PUS7L: variants seen among roughly 807,000 people sequenced by gnomAD.
PUS7L encodes pseudouridine synthase 7 like, also known as pseudouridylate synthase PUS7L.
A neutral mutation model predicts 51.1 loss-of-function variants in PUS7L; 49 were observed. The observed-to-expected ratio is 0.96, with a 90% CI of 0.76 to 1.22. PUS7L has a LOEUF of 1.22. Ranked by LOEUF, PUS7L falls within the 50% of genes most tolerant of loss-of-function variation. The pLI, the probability that PUS7L is intolerant of heterozygous loss-of-function variation, is 0.00. For missense variants in PUS7L, 828 were observed against 820.6 expected, an observed-to-expected ratio of 1.01 and a Z score of -0.11; for synonymous variants, 277 against 276.2, an observed-to-expected ratio of 1.00 and a Z score of -0.03.
chr12:43,730,833 C>T (rs1944536488), intron 8 of PUS7L, 131 bp from the exon 9 acceptor site: 8 of 612,806 alleles, frequency 1.3e-5, no homozygotes, highest in Non-Finnish European at 1.7e-5. Context: ...CCACAATCAG[C>T]CTAAAACATG....
chr12:43,751,270 C>T (rs1229040373), intron 2 of PUS7L, among the ~76,000 whole-genome samples: 1 of 151,806 alleles, frequency 6.6e-6, no homozygotes, highest in Non-Finnish European at 1.5e-5. Context: ...CATATGTATA[C>T]ATGTGCCATG....
intron 4 of PUS7L, among the ~76,000 whole-genome samples, chr12:43,745,652 G>T (rs1023957517): frequency 2.6e-5 from 4 of 152,218 alleles, no homozygotes; most frequent in African/African-American, 7.2e-5. Flanking sequence ...AGCAGTGTGA[G>T]AATGGACTAA....
In PUS7L at chr12:43,728,487, T is replaced by C. The variant is rs1944485168; in HGVS notation, c.*1889A>G. ...CATTTATAGGATACGATTTATCATATAAAATAAAACATTTTTTCTAAATTT... is the reference window on the plus strand; with the variant it reads ...CATTTATAGGATACGATTTATCATACAAAATAAAACATTTTTTCTAAATTT... On this transcript the variant is annotated 3_prime_UTR_variant, in exon 9 of 9. Transcript: ENST00000344862. The C allele has an allele frequency of 6.6e-6, 1 of 152,120 alleles. No homozygotes were observed. The highest frequency in any genetic ancestry group is 2.1e-4 in the South Asian group (1 of 4,836). The allele number at this position is 152,120 out of a possible 1,614,324, so 9.4% of individuals were successfully genotyped here.
chr12:43,738,182 G>A, intron 6 of PUS7L, 128 bp downstream of exon 6: 2 of 647,738 alleles, frequency 3.1e-6, no homozygotes, highest in South Asian at 3.6e-5. Flanking sequence ...AAAGTGTTCA[G>A]TATGTAATAT....
In PUS7L at chr12:43,728,649, A is replaced by T. The variant is rs1478262245; in HGVS notation, c.*1727T>A. 1 of 152,116 alleles carries T rather than the reference A, an allele frequency of 6.6e-6. No individual in the cohort carries two copies. Among genetic ancestry groups the T allele is most frequent in the East Asian group, 1.9e-4 (1 of 5,202 alleles). 9.4% of individuals were successfully genotyped at this position (152,116 alleles called of 1,614,324 possible). ...TATTTATTGCCAAAACATATAACAAAAAAAACTTTTTAGTATTAAAAAAAA... is the reference window on the plus strand; with the variant it reads ...TATTTATTGCCAAAACATATAACAATAAAAACTTTTTAGTATTAAAAAAAA... On this transcript the variant is annotated 3_prime_UTR_variant, in exon 9 of 9. Coordinates refer to ENST00000344862, the MANE Select transcript of PUS7L (RefSeq NM_031292.5).
chr12:43,757,125 T>C (rs73280436), intron 1 of PUS7L, among the ~76,000 whole-genome samples: 2,329 of 152,322 alleles, frequency 0.015, 70 homozygotes, highest in African/African-American at 0.052. Context: ...AGGATTCATT[T>C]CCTCAGAGAA....
Position 43,727,040 on chromosome 12 carries a change from C to A in PUS7L, c.*3336G>T, listed in dbSNP as rs1464776081. 2 of 152,084 alleles carry A rather than the reference C, an allele frequency of 1.3e-5. No individual in the cohort carries two copies. Among genetic ancestry groups the A allele is most frequent in the African/African-American group, 4.8e-5 (2 of 41,384 alleles). The allele number at this position is 152,084 out of a possible 1,614,324, so 9.4% of individuals were successfully genotyped here. A position where few individuals can be genotyped will look rare whatever the true frequency, so the allele number is the denominator to read the frequency against. ...AAACGGAAGAAAGGACATGAACAGA[C>A]ACTTCTCAAAAGAAGACATCCATGG... On this transcript the variant is annotated 3_prime_UTR_variant, in exon 9 of 9. Transcript: ENST00000344862.
rs1938604671 is a variant in PUS7L, at chr12:43,754,597, C to G, written c.649G>C (p.Asp217His). The change falls in exon 2 of 9, where the codon GAC becomes CAC. Residue 217 changes from aspartate to histidine, a missense_variant. By Grantham distance (81) the Asp-to-His change is moderately conservative. Coordinates refer to ENST00000344862, the MANE Select transcript of PUS7L (RefSeq NM_031292.5). ...TTTGCATCCAAATATTTAAAAAAGT[C>G]AAATGCTTCCTCTTCAGATACCAAA... Reference protein sequence around the residue: ...CHLVSEEEAFDFFKYLDAKKE... With the variant: ...CHLVSEEEAFHFFKYLDAKKE... 1 of 1,610,946 alleles carries G rather than the reference C, an allele frequency of 6.2e-7. No homozygotes were observed. Among genetic ancestry groups the G allele is most frequent in the South Asian group, 1.1e-5 (1 of 90,480 alleles).
chr12:43,755,937 A>G (rs565666976), intron 1 of PUS7L, among the ~76,000 whole-genome samples: 53 of 152,318 alleles, frequency 3.5e-4, no homozygotes, highest in Non-Finnish European at 4.4e-4. Flanking sequence ...TGGAAACACT[A>G]TGCAAGAGAA....
chr12:43,751,531 C>A (rs1938443659), intron 2 of PUS7L, among the ~76,000 whole-genome samples: 1 of 152,158 alleles, frequency 6.6e-6, no homozygotes, highest in African/African-American at 2.4e-5. Context: ...ATGAACTCAT[C>A]ATTTTTTATG....
chr12:43,730,773 C>T (rs986574771), intron 8 of PUS7L, 71 bp from the exon 9 acceptor site: 13 of 991,258 alleles, frequency 1.3e-5, no homozygotes, highest in African/African-American at 6.5e-5. Flanking sequence ...TTTTAATGTA[C>T]TTTTATGACT....
At chr12:43,757,366 T>A (rs1165003104) in intron 1 of PUS7L, among the ~76,000 whole-genome samples, 1 of 152,020 alleles carries the variant, frequency 6.6e-6, no homozygotes, top group Non-Finnish European at 1.5e-5. Flanking sequence ...AGAGATGGGG[T>A]TTCACCATAT....
chr12:43,746,167 G>A lies in PUS7L; in HGVS notation c.1142C>T (p.Ser381Phe). Residue 381 changes from serine (S) to phenylalanine (F), a missense_variant, in exon 4 of 9, where the codon TCC becomes TTC. By Grantham distance (155) the Ser-to-Phe change is radical. Transcript: ENST00000344862. ...NVFNIRSVDDSLRLGQLKGNH... is the reference protein window; with the variant it reads ...NVFNIRSVDDFLRLGQLKGNH... ...TCCTTTGAGCTGACCAAGTCTCAGG[G>A]AATCATCTACAGACCGAATATTAAA... The A allele has an allele frequency of 6.5e-7, 1 of 1,532,334 alleles. No individual in the cohort carries two copies. The highest frequency in any genetic ancestry group is 9.0e-7 in the Non-Finnish European group (1 of 1,112,474). 94.9% of individuals were successfully genotyped at this position (1,532,334 alleles called of 1,614,324 possible). A position where few individuals can be genotyped will look rare whatever the true frequency, so the allele number is the denominator to read the frequency against.
At chr12:43,758,446 C>T (rs961496372) in intron 1 of PUS7L, 10 of 985,428 alleles carry the variant, frequency 1.0e-5, no homozygotes, top group African/African-American at 1.7e-5. Flanking sequence ...ACTAGAAATA[C>T]TGAACCCAGT....
intron 2 of PUS7L, among the ~76,000 whole-genome samples, chr12:43,751,984 G>C (rs1186138889): frequency 1.3e-5 from 2 of 152,164 alleles, no homozygotes; most frequent in Non-Finnish European, 2.9e-5. Flanking sequence ...GTGTCTGTTG[G>C]CTGCATAAAT....
chr12:43,746,191 A>G lies in PUS7L; in HGVS notation c.1118T>C (p.Phe373Ser). 1.3e-6 allele frequency: 2 copies of G among 1,501,340 alleles called. No homozygotes were observed. Among genetic ancestry groups the G allele is most frequent in the South Asian group, 1.2e-5 (1 of 82,778 alleles). 93.0% of individuals were successfully genotyped at this position (1,501,340 alleles called of 1,614,324 possible). A position where few individuals can be genotyped will look rare whatever the true frequency, so the allele number is the denominator to read the frequency against. ...KEIEKKRMNV[F>S]NIRSVDDSLR... ...GGAATCATCTACAGACCGAATATTA[A>G]AGACATTCATTCTTTTCTTTTCAAT... The change falls in exon 4 of 9, where the codon TTT (phenylalanine) becomes TCT (serine). Residue 373 changes from phenylalanine to serine, a missense_variant. Phe to Ser is a radical substitution (Grantham distance 155, BLOSUM62 -2). Transcript: ENST00000344862.
At position 43,730,157 on chromosome 12, in the gene PUS7L, A is replaced by G; in HGVS notation, c.*219T>C. On this transcript the variant is annotated 3_prime_UTR_variant, in exon 9 of 9. Coordinates refer to ENST00000344862, the MANE Select transcript of PUS7L (RefSeq NM_031292.5). ...GTCACTGAAACATATAATAGAAAAA[A>G]AACACAGGCTTTGGGGTCACATGGA... The G allele has an allele frequency of 2.0e-6, 1 of 512,074 alleles. No individual in the cohort carries two copies. Among genetic ancestry groups the G allele is most frequent in the Non-Finnish European group, 3.5e-6 (1 of 288,192 alleles). The allele number at this position is 512,074 out of a possible 1,614,324, so 31.7% of individuals were successfully genotyped here.
chr12:43,747,119 A>G (rs1476582222), intron 3 of PUS7L, among the ~76,000 whole-genome samples: 12 of 152,190 alleles, frequency 7.9e-5, no homozygotes. Flanking sequence ...TAATATATCG[A>G]TATTACGTTA....
chr12:43,750,446 T>G (rs1048518304), intron 2 of PUS7L, among the ~76,000 whole-genome samples: 1 of 152,224 alleles, frequency 6.6e-6, no homozygotes, highest in Admixed American at 6.5e-5. Context: ...GTAAGCAATA[T>G]GGGAACATTT....
Sources: allele counts gnomAD v4.1 joint callset (sites outside exome capture counted in the v4.1 genomes callset), GRCh38; gene constraint gnomAD v4.1.1; transcripts MANE v1.5; gene names NCBI Gene and HGNC (gene_info 2026-07-23, HGNC 2026-07-21).